NAXD: variants seen among roughly 807,000 people sequenced by gnomAD.
NAXD encodes NAD(P)HX dehydratase.
A neutral mutation model predicts 35.8 loss-of-function variants in NAXD; 22 were observed. That is an observed-to-expected ratio of 0.62 (90% confidence interval 0.44 to 0.88). The LOEUF is 0.88. NAXD is among the 40% of genes least tolerant of loss of function. The pLI, the probability that NAXD is intolerant of heterozygous loss-of-function variation, is 0.00. For synonymous variants in NAXD, 189 were observed against 177.6 expected (o/e 1.06, Z -0.51); for missense variants, 428 against 437.7 (o/e 0.98, Z 0.20).
chr13:110,618,979 T>C (rs1324253526), intron 1 of NAXD, among the ~76,000 whole-genome samples: 2 of 152,212 alleles, frequency 1.3e-5, no homozygotes, highest in Non-Finnish European at 2.9e-5. Flanking sequence ...GGAGCTCTGG[T>C]GCTGCAGTTG....
At chr13:110,626,476 C>T (rs1294934990) in intron 4 of NAXD, among the ~76,000 whole-genome samples, 1 of 146,716 alleles carries the variant, frequency 6.8e-6, no homozygotes, top group Non-Finnish European at 1.5e-5. Flanking sequence ...GGGCATTGGA[C>T]AGTGGGGACA....
At chr13:110,620,787 G>A (rs1469161083) in intron 1 of NAXD, among the ~76,000 whole-genome samples, 1 of 152,222 alleles carries the variant, frequency 6.6e-6, no homozygotes. Flanking sequence ...GCTTTGGACT[G>A]CAGTCAGTGG....
chr13:110,624,142 TTA>T (rs879558448), intron 2 of NAXD, 90 bp from the exon 3 acceptor site: 62 of 760,574 alleles, frequency 8.2e-5, no homozygotes, highest in Non-Finnish European at 1.4e-4. Flanking sequence ...TCTATATTAT[TTA>T]TGTCTATTTT....
At chr13:110,637,669 C>A in intron 9 of NAXD, 1 of 424,286 alleles carries the variant, frequency 2.4e-6, no homozygotes, top group South Asian at 1.7e-5. Context: ...GGACCAGGGC[C>A]CTTGGCCCAG....
At position 110,638,611 on chromosome 13, in the gene NAXD, C is replaced by G. The variant is rs1432505766; in HGVS notation, c.*83C>G. 1 of 1,487,508 alleles carries G rather than the reference C, an allele frequency of 6.7e-7. No individual in the cohort carries two copies. The highest frequency in any genetic ancestry group is 9.3e-7 in the Non-Finnish European group (1 of 1,073,574). The allele number at this position is 1,487,508 out of a possible 1,614,324, so 92.1% of individuals were successfully genotyped here. On this transcript the variant is annotated 3_prime_UTR_variant, in exon 10 of 10. Coordinates refer to ENST00000680254, the MANE Select transcript of NAXD (RefSeq NM_001242882.2). The surrounding 1 kb of genome is among the most constrained non-coding windows in gnomAD (Gnocchi z 5.4). Reference sequence around the variant, plus strand: ...GGGAAAATCCGGACCCACGCGTGTGCTGAAGGCGTACGGTGCTTGCCAGAT... The same window carrying G: ...GGGAAAATCCGGACCCACGCGTGTGGTGAAGGCGTACGGTGCTTGCCAGAT...
At chr13:110,633,414 T>A (rs1017019417) in intron 5 of NAXD, among the ~76,000 whole-genome samples, 1 of 152,120 alleles carries the variant, frequency 6.6e-6, no homozygotes, top group Non-Finnish European at 1.5e-5. Context: ...CGCCTCTCCC[T>A]CCACACCTCC....
At chr13:110,633,065 T>C (rs867212377) in intron 5 of NAXD, among the ~76,000 whole-genome samples, 22 of 151,738 alleles carry the variant, frequency 1.4e-4, no homozygotes, top group South Asian at 4.2e-4. Flanking sequence ...TGGGACTGGG[T>C]GCCGTGGAGC....
chr13:110,633,515 G>A (rs528100575), intron 5 of NAXD, among the ~76,000 whole-genome samples: 103 of 152,256 alleles, frequency 6.8e-4, no homozygotes, highest in East Asian at 2.7e-3. Context: ...CTCAAATGCC[G>A]CCAAAGTGGG....
chr13:110,638,165 T>A lies in NAXD; in HGVS notation c.840-213T>A, dbSNP rs1887006982. On this transcript the variant is annotated intron_variant, in intron 9 of 9. Coordinates refer to ENST00000680254, the MANE Select transcript of NAXD (RefSeq NM_001242882.2). The surrounding 1 kb of genome is among the most constrained non-coding windows in gnomAD (Gnocchi z 5.4). ...GACCTGTCTCCGAGTACATAGACGTTTCCTGTGTGCCTCCTGCCAGGGAGT... is the reference window on the plus strand; with the variant it reads ...GACCTGTCTCCGAGTACATAGACGTATCCTGTGTGCCTCCTGCCAGGGAGT... 1 of 1,406,612 alleles carries A rather than the reference T, an allele frequency of 7.1e-7. No individual in the cohort carries two copies. The highest frequency in any genetic ancestry group is 9.7e-7 in the Non-Finnish European group (1 of 1,033,006). The allele number at this position is 1,406,612 out of a possible 1,614,324, so 87.1% of individuals were successfully genotyped here.
At chr13:110,632,554 G>A (rs950614156) in intron 5 of NAXD, among the ~76,000 whole-genome samples, 10 of 151,712 alleles carry the variant, frequency 6.6e-5, no homozygotes, top group African/African-American at 2.4e-4. Flanking sequence ...AGACACAAAG[G>A]TTCTCCACGT....
intron 8 of NAXD, 66 bp from the exon 9 acceptor site, chr13:110,637,063 C>A: frequency 6.5e-7 from 1 of 1,534,614 alleles, no homozygotes; most frequent in Admixed American, 2.2e-5. Context: ...CTTCCACACC[C>A]GTGGCTACTG....
rs778635256 is a variant in NAXD at position 110,638,269 on chromosome 13, T to C, written c.840-109T>C. ...GCATATCAGACTTGAAATTGACAAT[T>C]TGGGGTCCTGAGATTGAAACAGGAG... On this transcript the variant is annotated intron_variant, in intron 9 of 9. Transcript: ENST00000680254. The surrounding 1 kb of genome is among the most constrained non-coding windows in gnomAD (Gnocchi z 5.4). 1.3e-6 allele frequency: 2 copies of C among 1,584,684 alleles called. No individual in the cohort carries two copies. Among genetic ancestry groups the C allele is most frequent in the Non-Finnish European group, 8.6e-7 (1 of 1,166,946 alleles).
chr13:110,638,528 A>T lies in NAXD; in HGVS notation c.990A>T (p.Ter330CysextTer7). ...GAAFSKLFET[*>C] The stretch of plus-strand genomic sequence containing the variant: ...CCTTCAGCAAGCTCTTTGAAACCTG[A>T]GCCCGCGCAGACCAGAAGTAAACAG... The change falls in exon 10 of 10, where the codon TGA becomes TGT. Residue 330 changes from the stop codon to cysteine, a stop_lost. Transcript: ENST00000680254. This position sits in a 1 kb window ranked among gnomAD's most constrained non-coding sequence, Gnocchi z 5.4. 1 of 1,611,802 alleles carries T rather than the reference A, an allele frequency of 6.2e-7. No homozygotes were observed. Among genetic ancestry groups the T allele is most frequent in the Non-Finnish European group, 8.5e-7 (1 of 1,179,174 alleles).
chr13:110,617,228 GT>G (rs1886092655), intron 1 of NAXD, among the ~76,000 whole-genome samples: 1 of 152,088 alleles, frequency 6.6e-6, no homozygotes, highest in African/African-American at 2.4e-5. Context: ...AAGTATTTTT[GT>G]TTTTTTAAGT....
At chr13:110,637,098 TGA>T in intron 8 of NAXD, 29 bp from the exon 9 acceptor site, 1 of 1,584,844 alleles carries the variant, frequency 6.3e-7, no homozygotes, top group Non-Finnish European at 8.6e-7. Flanking sequence ...ATGGCCATGC[TGA>T]CACCTGCTCT....
intron 5 of NAXD, among the ~76,000 whole-genome samples, chr13:110,630,613 C>G (rs1886664183): frequency 1.3e-5 from 2 of 152,096 alleles, no homozygotes; most frequent in Admixed American, 1.3e-4. Flanking sequence ...TCTGCCTAAC[C>G]CAAGGTTTAC....
At chr13:110,623,690 T>C (rs950984384) in intron 2 of NAXD, among the ~76,000 whole-genome samples, 3 of 152,256 alleles carry the variant, frequency 2.0e-5, no homozygotes, top group African/African-American at 7.2e-5. Flanking sequence ...CTGAAATGCA[T>C]GAAGGTTTTA....
chr13:110,626,100 G>A (rs989293558), intron 4 of NAXD, among the ~76,000 whole-genome samples: 2 of 152,046 alleles, frequency 1.3e-5, no homozygotes, highest in Non-Finnish European at 2.9e-5. Context: ...GGCCCCACAG[G>A]GTGTGGGGCT....
At chr13:110,637,663 C>T (rs1886984468) in intron 9 of NAXD, 1 of 416,466 alleles carries the variant, frequency 2.4e-6, no homozygotes, top group East Asian at 7.1e-5. Context: ...ATTCTAGGAC[C>T]AGGGCCCTTG....
Sources: allele counts gnomAD v4.1 joint callset (sites outside exome capture counted in the v4.1 genomes callset), GRCh38; gene constraint gnomAD v4.1.1; non-coding constraint Gnocchi (gnomAD v3.1); transcripts MANE v1.5; gene names NCBI Gene and HGNC (gene_info 2026-07-23, HGNC 2026-07-21).